The following RAPGEF2 variants were observed in gnomAD, a reference collection of about 807,000 sequenced individuals.
RAPGEF2 encodes Rap guanine nucleotide exchange factor 2.
RAPGEF2 carries 54 observed loss-of-function variants against 186.7 expected under a neutral mutation model. The ratio of observed to expected loss-of-function variants is 0.29; its 90% CI spans 0.23 to 0.36. RAPGEF2 has a LOEUF of 0.36. Among genes scored for constraint, RAPGEF2 ranks in the 10% least tolerant of loss-of-function variants. RAPGEF2 has a pLI of 1.00. For missense variants in RAPGEF2, 1,532 were observed against 2,045.0 expected (o/e 0.75, Z 4.84); for synonymous variants, 712 against 705.9 (o/e 1.01, Z -0.14).
At chr4:159,220,195 G>A (rs1342555669) in intron 4 of RAPGEF2, among the ~76,000 whole-genome samples, 3 of 152,210 alleles carry the variant, frequency 2.0e-5, no homozygotes, top group South Asian at 4.1e-4. Context: ...TTGTGAAGTA[G>A]AGCAGGGTGG....
At chr4:159,255,119 C>A (rs567529111) in intron 7 of RAPGEF2, among the ~76,000 whole-genome samples, 1 of 152,288 alleles carries the variant, frequency 6.6e-6, no homozygotes, top group African/African-American at 2.4e-5. Context: ...GAGCAATAGG[C>A]TATCCCAAAG....
At chr4:159,140,837 A>AAT (rs1491484515) in intron 1 of RAPGEF2, among the ~76,000 whole-genome samples, 646 of 62,426 alleles carry the variant, frequency 0.01, 6 homozygotes, top group African/African-American at 0.034. Flanking sequence ...AAAAAAAAAA[A>AAT]TTTTTTTTTT....
intron 11 of RAPGEF2, among the ~76,000 whole-genome samples, chr4:159,325,378 A>G (rs1427393799): frequency 6.6e-6 from 1 of 152,192 alleles, no homozygotes; most frequent in Admixed American, 6.5e-5. Flanking sequence ...GTCTTTATTT[A>G]GCGGGAATGG....
intron 7 of RAPGEF2, among the ~76,000 whole-genome samples, chr4:159,295,996 T>C (rs1761975835): frequency 6.6e-6 from 1 of 152,194 alleles, no homozygotes; most frequent in African/African-American, 2.4e-5. Flanking sequence ...GGAATGTTTA[T>C]AATTCACATG....
intron 7 of RAPGEF2, among the ~76,000 whole-genome samples, chr4:159,291,270 CTG>C (rs1368609575): frequency 2.0e-5 from 3 of 152,030 alleles, no homozygotes; most frequent in African/African-American, 4.8e-5. Flanking sequence ...ATATATACAT[CTG>C]TGTGTGTGAG....
chr4:159,275,564 G>A (rs1339339956), intron 7 of RAPGEF2, among the ~76,000 whole-genome samples: 2 of 151,668 alleles, frequency 1.3e-5, no homozygotes, highest in African/African-American at 2.4e-5. Context: ...TTTAATTTTA[G>A]TATGTAGAAA....
chr4:159,326,078 C>T lies in RAPGEF2; in HGVS notation c.1149+2461C>T, dbSNP rs117815715. Among the ~76,000 whole-genome samples, 92 of 152,264 alleles carry T rather than the reference C, an allele frequency of 6.0e-4. 1 individual carries two copies. The East Asian group carries it at 0.014, about 23-fold the overall frequency. On this transcript the variant is annotated intron_variant, in intron 11 of 29. Coordinates refer to ENST00000691494, the MANE Select transcript of RAPGEF2 (RefSeq NM_001394067.2). Reference sequence around the variant, plus strand: ...AAGGAATATGTTAAATCAGGGATTTCGTTCTTGTACTTCCATTGACTCATC... The same window carrying T: ...AAGGAATATGTTAAATCAGGGATTTTGTTCTTGTACTTCCATTGACTCATC...
intron 2 of RAPGEF2, among the ~76,000 whole-genome samples, chr4:159,187,851 CT>C (rs1747711130): frequency 6.6e-6 from 1 of 152,244 alleles, no homozygotes; most frequent in African/African-American, 2.4e-5. Flanking sequence ...GAAAGGAATG[CT>C]TTTTCCATAT....
At chr4:159,351,125 C>G (rs1304554398) in intron 26 of RAPGEF2, 2 of 1,535,506 alleles carry the variant, frequency 1.3e-6, no homozygotes, top group Admixed American at 3.9e-5. Context: ...TCCTCCTCTT[C>G]TCTTGGAAGT....
chr4:159,110,946 A>T (rs1164779057), intron 1 of RAPGEF2, among the ~76,000 whole-genome samples: 6 of 152,022 alleles, frequency 3.9e-5, no homozygotes, highest in Non-Finnish European at 8.8e-5. Flanking sequence ...TCAAGTGATT[A>T]TGTCAGTCAT....
intron 8 of RAPGEF2, among the ~76,000 whole-genome samples, chr4:159,309,544 CAG>C: frequency 6.6e-6 from 1 of 152,272 alleles, no homozygotes; most frequent in African/African-American, 2.4e-5. Flanking sequence ...ACACTAGACA[CAG>C]AAGGTAGTAG....
intron 25 of RAPGEF2, among the ~76,000 whole-genome samples, chr4:159,347,227 G>C (rs999894336): frequency 6.6e-6 from 1 of 152,208 alleles, no homozygotes; most frequent in Non-Finnish European, 1.5e-5. Flanking sequence ...TGCTACGACA[G>C]GGTGTTAATA....
chr4:159,331,708 C>T lies in RAPGEF2; in HGVS notation c.1654C>T (p.Pro552Ser). The change falls in exon 15 of 30, where the codon CCA becomes TCA. Residue 552 changes from proline to serine, a missense_variant. Pro to Ser is a moderately conservative substitution (Grantham distance 74, BLOSUM62 -1). This residue lies in a region of RAPGEF2 where 810 missense variants were observed against 1,210.5 expected (regional missense o/e 0.67). Coordinates refer to ENST00000691494, the MANE Select transcript of RAPGEF2 (RefSeq NM_001394067.2). ...AAGAAGATTGATGACGTTAACAAAACCATCCCGAGAAGCTCCTTTGCCTTT... is the reference window on the plus strand; with the variant it reads ...AAGAAGATTGATGACGTTAACAAAATCATCCCGAGAAGCTCCTTTGCCTTT... ...AKRRLMTLTK[P>S]SREAPLPFIL... 6.2e-7 allele frequency: 1 copy of T among 1,614,120 alleles called. No individual in the cohort carries two copies.
chr4:159,353,408 G>T lies in RAPGEF2; in HGVS notation c.4092-79G>T. 1 of 1,149,014 alleles carries T rather than the reference G, an allele frequency of 8.7e-7. No homozygotes were observed. Among genetic ancestry groups the T allele is most frequent in the African/African-American group, 1.6e-5 (1 of 63,544 alleles). 71.2% of individuals were successfully genotyped at this position (1,149,014 alleles called of 1,614,324 possible). On this transcript the variant is annotated intron_variant, in intron 27 of 29. Transcript: ENST00000691494. This position sits in a 1 kb window ranked among gnomAD's most constrained non-coding sequence, Gnocchi z 4.3. ...AAGCAAGCTACCTTTCTAGGAAAAA[G>T]GGTATTTTGGTTTTATCATAGGTGA... is the stretch of plus-strand genomic sequence containing the variant.
intron 1 of RAPGEF2, among the ~76,000 whole-genome samples, chr4:159,132,942 T>A (rs1204697564): frequency 6.6e-6 from 1 of 151,934 alleles, no homozygotes; most frequent in Non-Finnish European, 1.5e-5. Context: ...CAGTGCAGTC[T>A]TACTTTCCTC....
rs1729787554 is a variant in RAPGEF2, at chr4:159,343,133, C to T, written c.3073C>T (p.Pro1025Ser). 1.9e-6 allele frequency: 3 copies of T among 1,613,950 alleles called. No individual in the cohort carries two copies. Among genetic ancestry groups the T allele is most frequent in the African/African-American group, 1.3e-5 (1 of 74,906 alleles). ...RNVLNSQNLQ[P>S]PIIPLFPVIK... is the part of the protein sequence containing the mutation. ...TGTTCTCAATAGTCAAAATCTACAA[C>T]CTCCCATAATCCCTCTATTCCCAGT... Residue 1025 changes from proline (P) to serine (S), a missense_variant, in exon 21 of 30, where the codon CCT becomes TCT. By Grantham distance (74) the Pro-to-Ser change is moderately conservative. This residue lies in a region of RAPGEF2 where 11 missense variants were observed against 45.2 expected (regional missense o/e 0.24). Transcript: ENST00000691494.
intron 1 of RAPGEF2, among the ~76,000 whole-genome samples, chr4:159,174,249 A>G (rs1579372987): frequency 6.6e-6 from 1 of 152,358 alleles, no homozygotes; most frequent in East Asian, 1.9e-4. Context: ...CATAACACCC[A>G]GTTGGTAATC....
chr4:159,255,217 T>C (rs1480427964), intron 7 of RAPGEF2, among the ~76,000 whole-genome samples: 2 of 152,186 alleles, frequency 1.3e-5, no homozygotes, highest in Non-Finnish European at 2.9e-5. Context: ...AGTTGCCCAA[T>C]GACGCCGTTC....
chr4:159,295,077 A>G (rs1207672858), intron 7 of RAPGEF2, among the ~76,000 whole-genome samples: 1 of 152,220 alleles, frequency 6.6e-6, no homozygotes, highest in Non-Finnish European at 1.5e-5. Context: ...TGAAACGTTC[A>G]GCGTATTGCC....
Sources: allele counts gnomAD v4.1 joint callset (sites outside exome capture counted in the v4.1 genomes callset), GRCh38; gene constraint gnomAD v4.1.1; regional missense constraint gnomAD v4.1.1; non-coding constraint Gnocchi (gnomAD v3.1); transcripts MANE v1.5; gene names NCBI Gene and HGNC (gene_info 2026-07-23, HGNC 2026-07-21).